SSC5D: variants seen among roughly 807,000 people sequenced by gnomAD.
The protein encoded by SSC5D is scavenger receptor cysteine rich family member with 5 domains.
SSC5D carries 106 observed loss-of-function variants against 104.6 expected under a neutral mutation model. The observed-to-expected ratio is 1.01, with a 90% CI of 0.87 to 1.19. The LOEUF is 1.19. Ranked by LOEUF, SSC5D falls within the 50% of genes most tolerant of loss-of-function variation. The probability of loss-of-function intolerance (pLI) is 0.00; values close to 1 mark genes in which losing one functional copy is unlikely to be tolerated. For missense variants in SSC5D, 1,993 were observed against 2,153.8 expected (o/e 0.93, Z 1.48); for synonymous variants, 860 against 883.5 (o/e 0.97, Z 0.47).
chr19:55,515,514 C>T (rs995582732), intron 13 of SSC5D, among the ~76,000 whole-genome samples: 2 of 151,578 alleles, frequency 1.3e-5, no homozygotes, highest in Non-Finnish European at 2.9e-5. Context: ...GGGCGGATCA[C>T]GAGGTCAGGA....
Position 55,494,793 on chromosome 19 carries a change from T to G in SSC5D, c.1387+10T>G. 6.5e-7 allele frequency: 1 copy of G among 1,529,372 alleles called. No individual in the cohort carries two copies. The highest frequency in any genetic ancestry group is 1.2e-5 in the South Asian group (1 of 82,364). 94.7% of individuals were successfully genotyped at this position (1,529,372 alleles called of 1,614,324 possible). ...CCTGGACCGGAAGCCGGTGAGTCCC[T>G]CCATGCTCCCCAAGAAAACAGGGTC... On this transcript the variant is annotated intron_variant, in intron 8 of 13. Coordinates refer to ENST00000389623, the MANE Select transcript of SSC5D (RefSeq NM_001144950.2).
intron 12 of SSC5D, among the ~76,000 whole-genome samples, chr19:55,510,359 G>GT (rs1036583281): frequency 6.6e-6 from 1 of 151,406 alleles, no homozygotes; most frequent in African/African-American, 2.4e-5. Flanking sequence ...CATCTTTTTG[G>GT]TTTTTTTAGA....
intron 6 of SSC5D, chr19:55,492,768 A>T (rs721780): frequency 6.6e-6 from 1 of 152,030 alleles, no homozygotes; most frequent in South Asian, 2.1e-4. Flanking sequence ...GTTACAGGCT[A>T]ACACCTGTAG....
At chr19:55,516,757 T>C (rs1223629656) in intron 13 of SSC5D, among the ~76,000 whole-genome samples, 1 of 150,730 alleles carries the variant, frequency 6.6e-6, no homozygotes, top group Non-Finnish European at 1.5e-5. Context: ...AATAAAAAAA[T>C]CCATAAAAGT....
Position 55,489,885 on chromosome 19 carries a change from A to G in SSC5D, c.365A>G (p.Gln122Arg), listed in dbSNP as rs1987082981. The part of the protein sequence containing the change: ...EEDAGVVCAG[Q>R]RVANSRDDST... The stretch of plus-strand genomic sequence containing the variant: ...TGTCCCTGCCCCCCCGCCGCAGGTC[A>G]GCGTGTGGCTAACTCCAGGGACGAC... Residue 122 changes from glutamine to arginine, a missense_variant, in exon 4 of 14, where the codon CAG becomes CGG. Transcript: ENST00000389623. 1 of 1,545,100 alleles carries G rather than the reference A, an allele frequency of 6.5e-7. No individual in the cohort carries two copies. Among genetic ancestry groups the G allele is most frequent in the African/African-American group, 1.4e-5 (1 of 71,554 alleles).
In SSC5D at chr19:55,517,441, C is replaced by A; in HGVS notation, c.3165C>A (p.Ala1055=). The A allele has an allele frequency of 6.4e-7, 1 of 1,551,192 alleles. No individual in the cohort carries two copies. Among genetic ancestry groups the A allele is most frequent in the South Asian group, 1.2e-5 (1 of 84,054 alleles). ...CTTCACCACCCACCCCAGACCCGGC[C>A]TCCCGGACGAACCCCGACCTCATCT... ...PDTSPPTPDP[A]SRTNPDLILT... Residue 1055 remains alanine (A), a synonymous_variant, in exon 14 of 14, where the codon GCC becomes GCA. Transcript: ENST00000389623.
intron 13 of SSC5D, among the ~76,000 whole-genome samples, chr19:55,514,617 G>A (rs1361139023): frequency 6.7e-6 from 1 of 148,730 alleles, no homozygotes; most frequent in African/African-American, 2.5e-5. Context: ...AAAAAAAAGA[G>A]AGAGAGAGAA....
chr19:55,502,815 C>G (rs1271126473), intron 12 of SSC5D, among the ~76,000 whole-genome samples: 1 of 150,610 alleles, frequency 6.6e-6, no homozygotes, highest in Non-Finnish European at 1.5e-5. Flanking sequence ...ACCACCATGC[C>G]TGGCTAATTT....
chr19:55,489,904 G>A lies in SSC5D; in HGVS notation c.384G>A (p.Arg128=), dbSNP rs1322292215. ...VCAGQRVANS[R]DDSTSPLDGA... is the part of the protein sequence containing the mutation. The stretch of plus-strand genomic sequence containing the variant: ...CAGGTCAGCGTGTGGCTAACTCCAG[G>A]GACGACTCAACATCTCCCCTGGATG... The change falls in exon 4 of 14, where the codon AGG becomes AGA. Residue 128 remains arginine, a synonymous_variant. Transcript: ENST00000389623. The A allele has an allele frequency of 1.9e-6, 3 of 1,549,338 alleles. No homozygotes were observed. The East Asian group carries it at 7.4e-5, about 38-fold the overall frequency.
At position 55,490,735 on chromosome 19, in the gene SSC5D, C is replaced by T. The variant is rs559684909; in HGVS notation, c.587-37C>T. On this transcript the variant is annotated intron_variant, in intron 5 of 13. Coordinates refer to ENST00000389623, the MANE Select transcript of SSC5D (RefSeq NM_001144950.2). ...AGGAAGGGGTGTTTGAATCATTTCT[C>T]ACTGGCCACACCGTCCCCTCCCTGC... 7 of 1,449,736 alleles carry T rather than the reference C, an allele frequency of 4.8e-6. No individual in the cohort carries two copies. In the South Asian group the frequency reaches 8.6e-5, roughly 18 times the overall value. The allele number at this position is 1,449,736 out of a possible 1,614,324, so 89.8% of individuals were successfully genotyped here.
intron 12 of SSC5D, among the ~76,000 whole-genome samples, chr19:55,507,974 T>A (rs1408846090): frequency 2.6e-5 from 4 of 151,820 alleles, no homozygotes; most frequent in Admixed American, 2.0e-4. Context: ...TATTCTGGGG[T>A]TTGAGCTGAT....
chr19:55,494,248 C>G (rs774050693), intron 7 of SSC5D, among the ~76,000 whole-genome samples: 5 of 152,108 alleles, frequency 3.3e-5, no homozygotes, highest in Non-Finnish European at 7.4e-5. Flanking sequence ...TGAGAACAGT[C>G]CAGCCCCAAA....
chr19:55,514,098 G>A (rs896803681), intron 13 of SSC5D, among the ~76,000 whole-genome samples: 15 of 152,296 alleles, frequency 9.8e-5, no homozygotes, highest in South Asian at 2.1e-4. Flanking sequence ...CAATCCAGCA[G>A]TATTTAGTAA....
At chr19:55,498,711 A>C (rs114641704) in intron 9 of SSC5D, among the ~76,000 whole-genome samples, 1,866 of 152,352 alleles carry the variant, frequency 0.012, 38 homozygotes, top group African/African-American at 0.042. Flanking sequence ...TGGTCTTTGA[A>C]TAGCTCACAG....
chr19:55,510,456 T>G (rs1987731399), intron 12 of SSC5D, among the ~76,000 whole-genome samples: 1 of 152,146 alleles, frequency 6.6e-6, no homozygotes, highest in Admixed American at 6.5e-5. Flanking sequence ...TCAAGTGATT[T>G]TCCTGCCTCA....
At chr19:55,513,600 A>C (rs969681406) in intron 13 of SSC5D, among the ~76,000 whole-genome samples, 2 of 152,206 alleles carry the variant, frequency 1.3e-5, no homozygotes, top group Admixed American at 6.5e-5. Context: ...CCAAGAGGTT[A>C]TTATCTAGAC....
rs762679553 is a variant in SSC5D at position 55,494,628 on chromosome 19, T to A, written c.1232T>A (p.Val411Asp). The A allele has an allele frequency of 6.5e-7, 1 of 1,539,290 alleles. No individual in the cohort carries two copies. The highest frequency in any genetic ancestry group is 1.2e-5 in the South Asian group (1 of 82,902). ...TCCACAGGCATGCCCCTGGGCTACG[T>A]CCCTCCCACGGCCCCCACGGACAGC... ...AVCDGMPLGY[V>D]PPTAPTDSNN... Residue 411 changes from valine to aspartate, a missense_variant, in exon 8 of 14, where the codon GTC becomes GAC. Physicochemically the swap from Val to Asp is radical, Grantham distance 152. Around this residue, in one of 6 missense-constraint regions of SSC5D, gnomAD observed 1,101 missense variants for 1,085.0 expected, o/e 1.01. Transcript: ENST00000389623.
rs1987564547 is a variant in SSC5D, at chr19:55,503,524, TTC to T, written c.2785+2325_2785+2326del. Among the ~76,000 whole-genome samples, 1 of 151,968 alleles carries T rather than the reference TTC, an allele frequency of 6.6e-6. No homozygotes were observed. The highest frequency in any genetic ancestry group is 2.4e-5 in the African/African-American group (1 of 41,402). On this transcript the variant is annotated intron_variant, in intron 12 of 13. Transcript: ENST00000389623. The surrounding 1 kb of genome is among the most constrained non-coding windows in gnomAD (Gnocchi z 4.0). Reference sequence around the variant, plus strand: ...TCATGGTCAGCCCCCTTCCCTCCGTTTCTGTCTCCCGCGGGCTCCTCTGTCCG... The same window carrying T: ...TCATGGTCAGCCCCCTTCCCTCCGTTTGTCTCCCGCGGGCTCCTCTGTCCG...
chr19:55,514,632 G>C (rs1023118314), intron 13 of SSC5D, among the ~76,000 whole-genome samples: 3 of 151,068 alleles, frequency 2.0e-5, no homozygotes, highest in Non-Finnish European at 4.4e-5. Context: ...AGAGAAGAAG[G>C]GAGGAAGGGA....
Sources: gnomAD v4.1 joint callset for allele counts (sites outside exome capture counted in the v4.1 genomes callset) on GRCh38, gnomAD v4.1.1 for gene constraint, gnomAD v4.1.1 regional missense constraint, Gnocchi (gnomAD v3.1) non-coding constraint, MANE v1.5 for transcripts, NCBI Gene and HGNC (gene_info 2026-07-23, HGNC 2026-07-21) for gene names.